The following PRDM10 variants were observed in gnomAD, a reference collection of about 807,000 sequenced individuals.
The protein encoded by PRDM10 is PR domain zinc finger protein 10.
Under a neutral mutation model 133.1 loss-of-function variants are expected in PRDM10, and 65 were observed. The observed-to-expected ratio is 0.49, with a 90% CI of 0.40 to 0.60. The LOEUF (loss-of-function observed/expected upper bound fraction) is 0.60, where lower values mean the gene tolerates loss of function less well. Ranked by LOEUF, PRDM10 falls within the 20% of genes least tolerant of loss-of-function variation. PRDM10 has a pLI of 0.00. For synonymous variants in PRDM10, 582 were observed against 580.4 expected (o/e 1.00, Z -0.04); for missense variants, 1,137 against 1,507.1 (o/e 0.75, Z 4.07).
chr11:129,974,673 T>C (rs984971024), intron 1 of PRDM10, among the ~76,000 whole-genome samples: 1 of 152,096 alleles, frequency 6.6e-6, no homozygotes, highest in African/African-American at 2.4e-5. Context: ...AGGACCAGGA[T>C]ATGGGGACAC....
chr11:129,988,452 G>A (rs988302018), intron 1 of PRDM10, among the ~76,000 whole-genome samples: 11 of 151,930 alleles, frequency 7.2e-5, no homozygotes, highest in Admixed American at 2.6e-4. Context: ...GGCTGGTCTC[G>A]AACTCCTGGG....
chr11:129,935,017 G>A, intron 9 of PRDM10, 84 bp downstream of exon 9: 1 of 1,184,478 alleles, frequency 8.4e-7, no homozygotes, highest in Non-Finnish European at 1.2e-6. Context: ...GACACTCGGA[G>A]ACACTCATTA....
chr11:129,994,668 T>C (rs962889912), intron 1 of PRDM10, among the ~76,000 whole-genome samples: 3 of 152,156 alleles, frequency 2.0e-5, no homozygotes, highest in African/African-American at 7.2e-5. Context: ...TCTCTTTTTT[T>C]TGAGACAGAG....
In PRDM10 at chr11:129,950,440, G is replaced by A. The variant is rs1951554392; in HGVS notation, c.295-3070C>T. ...TGACATTCCACTTCTGCAATTCAGG[G>A]TCTTTTAGAAAGTTTTACGGGGGAA... On this transcript the variant is annotated intron_variant, in intron 4 of 20. Transcript: ENST00000360871. 3.3e-5 allele frequency among the ~76,000 whole-genome samples: 5 copies of A among 152,244 alleles called. No homozygotes were observed. The South Asian group carries it at 1.0e-3, about 32-fold the overall frequency.
At chr11:129,956,338 C>CA (rs895759874) in intron 3 of PRDM10, among the ~76,000 whole-genome samples, 3 of 152,196 alleles carry the variant, frequency 2.0e-5, no homozygotes, top group Non-Finnish European at 4.4e-5. Flanking sequence ...GAGGCCAAGG[C>CA]AGGCGGATCA....
chr11:129,921,628 G>C (rs1950525223), intron 13 of PRDM10, among the ~76,000 whole-genome samples: 1 of 152,214 alleles, frequency 6.6e-6, no homozygotes, highest in African/African-American at 2.4e-5. Context: ...ATGCCAGGAA[G>C]GTAGGTGGTA....
Position 129,942,413 on chromosome 11 carries a change from G to T in PRDM10, c.966+13C>A. 1 of 1,611,458 alleles carries T rather than the reference G, an allele frequency of 6.2e-7. No individual in the cohort carries two copies. Among genetic ancestry groups the T allele is most frequent in the African/African-American group, 1.3e-5 (1 of 74,928 alleles). On this transcript the variant is annotated intron_variant, in intron 7 of 20. Transcript: ENST00000360871. ...TGCTAGCAAATAGCAGCACGGGTCA[G>T]GCAGCACTGTACCTTCAGTTCCTGC... is the stretch of plus-strand genomic sequence containing the variant.
At position 129,935,190 on chromosome 11, in the gene PRDM10, G is replaced by C. The variant is rs745916102; in HGVS notation, c.1068C>G (p.Pro356=). Reference sequence around the variant, plus strand: ...TAAATCGGCGGTTACATTCATAGCAGGGCCAATTCTTCTCTTGCTCTCGAA... The same window carrying C: ...TAAATCGGCGGTTACATTCATAGCACGGCCAATTCTTCTCTTGCTCTCGAA... ...KVLREQEKNW[P]CYECNRRFIS... The change falls in exon 9 of 21, where the codon CCC becomes CCG. Residue 356 remains proline, a synonymous_variant. Transcript: ENST00000360871. The C allele has an allele frequency of 6.2e-7, 1 of 1,613,746 alleles. No individual in the cohort carries two copies. The highest frequency in any genetic ancestry group is 8.5e-7 in the Non-Finnish European group (1 of 1,179,838).
chr11:129,912,258 A>G, intron 17 of PRDM10, 33 bp from the exon 18 acceptor site: 1 of 1,461,594 alleles, frequency 6.8e-7, no homozygotes, highest in Non-Finnish European at 9.3e-7. Context: ...CAGAAACCAG[A>G]CATATATTGA....
intron 1 of PRDM10, among the ~76,000 whole-genome samples, chr11:129,993,228 C>T (rs527352634): frequency 6.6e-6 from 1 of 152,320 alleles, no homozygotes; most frequent in South Asian, 2.1e-4. Context: ...ATTTGGATTT[C>T]TCCTTTTCTG....
At chr11:129,936,846 G>T (rs1287132456) in intron 8 of PRDM10, among the ~76,000 whole-genome samples, 1 of 151,976 alleles carries the variant, frequency 6.6e-6, no homozygotes, top group Admixed American at 6.6e-5. Context: ...ACCTAACTCT[G>T]GATAGTTAGT....
chr11:129,905,153 G>C (rs1490850656), intron 20 of PRDM10, among the ~76,000 whole-genome samples: 1 of 152,086 alleles, frequency 6.6e-6, no homozygotes, highest in Admixed American at 6.5e-5. Flanking sequence ...CATGAGGTCA[G>C]GAGATCAAGA....
rs890327086 is a variant in PRDM10, at chr11:129,961,054, A to C, written c.-90T>G. On this transcript the variant is annotated 5_prime_UTR_variant, in exon 2 of 21. Coordinates refer to ENST00000360871, the MANE Select transcript of PRDM10 (RefSeq NM_199437.2). Reference sequence around the variant, plus strand: ...TCTGTCTACCACACGTGTGTTCATGAAGGACGGAAAGGTCTGTCTGCAGCA... The same window carrying C: ...TCTGTCTACCACACGTGTGTTCATGCAGGACGGAAAGGTCTGTCTGCAGCA... The C allele has an allele frequency of 7.8e-6, 9 of 1,148,618 alleles. No homozygotes were observed. In the African/African-American group the frequency reaches 1.4e-4, roughly 18 times the overall value. The allele number at this position is 1,148,618 out of a possible 1,614,324, so 71.2% of individuals were successfully genotyped here. A position where few individuals can be genotyped will look rare whatever the true frequency, so the allele number is the denominator to read the frequency against.
In PRDM10 at chr11:129,962,812, C is replaced by A. The variant is rs58103005; in HGVS notation, c.-118-1730G>T. Among the ~76,000 whole-genome samples the A allele has an allele frequency of 4.0e-3, 615 of 152,046 alleles. 2 individuals are homozygous for A. The highest frequency in any genetic ancestry group is 0.014 in the African/African-American group (580 of 41,470). ...GGGTGAGTTTCCTATGGTATATAAA[C>A]TATATCTCAACAAAGCCATTATTTA... On this transcript the variant is annotated intron_variant, in intron 1 of 20. Coordinates refer to ENST00000360871, the MANE Select transcript of PRDM10 (RefSeq NM_199437.2).
In PRDM10 at chr11:129,947,659, G is replaced by T; in HGVS notation, c.295-289C>A. The T allele has an allele frequency of 1.1e-6, 1 of 936,046 alleles. No individual in the cohort carries two copies. Among genetic ancestry groups the T allele is most frequent in the Non-Finnish European group, 1.5e-6 (1 of 663,368 alleles). The allele number at this position is 936,046 out of a possible 1,614,324, so 58.0% of individuals were successfully genotyped here. A position where few individuals can be genotyped will look rare whatever the true frequency, so the allele number is the denominator to read the frequency against. ...TCAGGTGCTCCCTCCTTTGGCAGCA[G>T]TGGGAGAGTCAACACTGGCAAGGCC... On this transcript the variant is annotated intron_variant, in intron 4 of 20. Coordinates refer to ENST00000360871, the MANE Select transcript of PRDM10 (RefSeq NM_199437.2). The surrounding 1 kb of genome is among the most constrained non-coding windows in gnomAD (Gnocchi z 4.6).
At chr11:129,984,535 G>A (rs546913392) in intron 1 of PRDM10, among the ~76,000 whole-genome samples, 6 of 151,652 alleles carry the variant, frequency 4.0e-5, no homozygotes, top group South Asian at 2.1e-4. Context: ...CACCCTACTC[G>A]GGCTTCTATC....
intron 3 of PRDM10, among the ~76,000 whole-genome samples, chr11:129,957,388 G>A (rs952320047): frequency 4.6e-5 from 7 of 151,904 alleles, no homozygotes; most frequent in African/African-American, 1.5e-4. Context: ...GCGCGATCTC[G>A]GCTCACTGCA....
intron 1 of PRDM10, among the ~76,000 whole-genome samples, chr11:129,990,049 C>CA (rs746876487): frequency 4.0e-5 from 6 of 151,874 alleles, no homozygotes; most frequent in Admixed American, 6.6e-5. Context: ...TTAAAAATTC[C>CA]AAAAACTGGC....
intron 1 of PRDM10, among the ~76,000 whole-genome samples, chr11:129,985,053 A>T (rs765329569): frequency 6.6e-6 from 1 of 152,194 alleles, no homozygotes; most frequent in Non-Finnish European, 1.5e-5. Context: ...AGGCCGCTGC[A>T]GGAGCATCAC....
Sources: allele counts gnomAD v4.1 joint callset (sites outside exome capture counted in the v4.1 genomes callset), GRCh38; gene constraint gnomAD v4.1.1; non-coding constraint Gnocchi (gnomAD v3.1); transcripts MANE v1.5; gene names NCBI Gene and HGNC (gene_info 2026-07-23, HGNC 2026-07-21).